Variants in MAK observed in about 807,000 individuals in gnomAD.
The protein encoded by MAK is serine/threonine-protein kinase MAK.
MAK carries 65 observed loss-of-function variants against 82.6 expected under a neutral mutation model. The observed-to-expected ratio is 0.79, with a 90% confidence interval of 0.64 to 0.97. The LOEUF (loss-of-function observed/expected upper bound fraction) is 0.97, where lower values mean the gene tolerates loss of function less well. Ranked by LOEUF, MAK falls within the 50% of genes least tolerant of loss-of-function variation. MAK has a pLI of 0.00. For missense variants in MAK, 703 were observed against 780.2 expected (o/e 0.90, Z 1.18); for synonymous variants, 250 against 274.2 (o/e 0.91, Z 0.87).
At chr6:10,826,949 T>C (rs1778416922) in intron 2 of MAK, among the ~76,000 whole-genome samples, 1 of 151,972 alleles carries the variant, frequency 6.6e-6, no homozygotes, top group Non-Finnish European at 1.5e-5. Context: ...CCGTCTCTAC[T>C]AAAAATGCAA....
At chr6:10,803,620 T>C (rs944187729) in intron 7 of MAK, 100 bp downstream of exon 7, 9 of 948,084 alleles carry the variant, frequency 9.5e-6, no homozygotes, top group Non-Finnish European at 1.3e-5. Flanking sequence ...ATCAGATATC[T>C]AGGCAAAAGT....
chr6:10,835,175 A>G (rs2127594019), intron 1 of MAK, among the ~76,000 whole-genome samples: 1 of 152,368 alleles, frequency 6.6e-6, no homozygotes, highest in East Asian at 1.9e-4. Flanking sequence ...TAAGCTCTTA[A>G]GAGAATTCAG....
At chr6:10,819,573 A>T (rs1777769257) in intron 2 of MAK, among the ~76,000 whole-genome samples, 1 of 152,078 alleles carries the variant, frequency 6.6e-6, no homozygotes. Flanking sequence ...CAGAGGTTGT[A>T]GTGAGCCAAG....
At chr6:10,807,577 G>A (rs1776590855) in intron 6 of MAK, among the ~76,000 whole-genome samples, 1 of 151,598 alleles carries the variant, frequency 6.6e-6, no homozygotes, top group Non-Finnish European at 1.5e-5. Flanking sequence ...CTGGTCTCAA[G>A]TGATCCCCCA....
chr6:10,803,210 T>C (rs1326108859), intron 7 of MAK, among the ~76,000 whole-genome samples: 1 of 152,176 alleles, frequency 6.6e-6, no homozygotes, highest in Non-Finnish European at 1.5e-5. Flanking sequence ...GGATTCTGGC[T>C]TCTTGCAATC....
At chr6:10,784,019 AAAAAAAAC>A (rs1490791096) in intron 11 of MAK, among the ~76,000 whole-genome samples, 2 of 151,918 alleles carry the variant, frequency 1.3e-5, no homozygotes, top group Admixed American at 6.6e-5. Flanking sequence ...AATCTGTCTC[AAAAAAAAC>A]AAAAAAACAA....
chr6:10,794,103 T>C (rs187731585), intron 9 of MAK, among the ~76,000 whole-genome samples: 1 of 152,300 alleles, frequency 6.6e-6, no homozygotes, highest in East Asian at 1.9e-4. Context: ...AGGGCTATTT[T>C]CAAATATCTA....
chr6:10,807,965 G>C (rs1258886468), intron 6 of MAK, among the ~76,000 whole-genome samples: 6 of 151,988 alleles, frequency 3.9e-5, no homozygotes, highest in Non-Finnish European at 8.8e-5. Context: ...CTACTCGGGA[G>C]GCTGAGGCAG....
At chr6:10,791,573 G>A in intron 10 of MAK, 102 bp downstream of exon 10, 1 of 1,149,776 alleles carries the variant, frequency 8.7e-7, no homozygotes, top group South Asian at 1.3e-5. Context: ...GGCCTGTTAA[G>A]CAAACTTTTC....
chr6:10,780,342 G>A, intron 11 of MAK: 1 of 569,820 alleles, frequency 1.8e-6, no homozygotes, highest in East Asian at 1.5e-4. Context: ...GGGTGCTTTG[G>A]CTCAAAGGAT....
At chr6:10,833,327 G>A (rs1778944062) in intron 1 of MAK, among the ~76,000 whole-genome samples, 1 of 152,130 alleles carries the variant, frequency 6.6e-6, no homozygotes, top group Non-Finnish European at 1.5e-5. Flanking sequence ...AGTGTGGGCT[G>A]GGCGCCCTGG....
intron 8 of MAK, among the ~76,000 whole-genome samples, chr6:10,801,582 T>G (rs543450765): frequency 1.6e-4 from 25 of 152,316 alleles, no homozygotes; most frequent in African/African-American, 5.5e-4. Context: ...CCATGACAGA[T>G]TCCTTCATAA....
chr6:10,791,390 C>T (rs1159940738), intron 10 of MAK, among the ~76,000 whole-genome samples: 1 of 152,086 alleles, frequency 6.6e-6, no homozygotes, highest in Non-Finnish European at 1.5e-5. Context: ...TCTCAGCTTC[C>T]CGAGTAGCTG....
At chr6:10,781,510 G>A (rs1773965622) in intron 11 of MAK, among the ~76,000 whole-genome samples, 2 of 146,054 alleles carry the variant, frequency 1.4e-5, no homozygotes, top group African/African-American at 5.1e-5. Flanking sequence ...TGCAACCTCT[G>A]CCTCCTGGGT....
chr6:10,833,250 T>G (rs933945614), intron 1 of MAK, among the ~76,000 whole-genome samples: 5 of 152,230 alleles, frequency 3.3e-5, no homozygotes, highest in Non-Finnish European at 7.3e-5. Flanking sequence ...TGTTGTTTCC[T>G]ATTTACAGGA....
chr6:10,801,603 G>T (rs893064694), intron 8 of MAK, among the ~76,000 whole-genome samples: 2 of 152,184 alleles, frequency 1.3e-5, no homozygotes, highest in African/African-American at 4.8e-5. Context: ...CTAGTCTGTC[G>T]CAGGTCTGAA....
At position 10,813,642 on chromosome 6, in the gene MAK, A is replaced by G. The variant is rs1446287566; in HGVS notation, c.358+2T>C. On this transcript the variant is annotated splice_donor_variant, in intron 5 of 14. Coordinates refer to ENST00000354489, the MANE Select transcript of MAK (RefSeq NM_001242957.3). LOFTEE classifies it high-confidence loss of function. ...GGGAAATTAAACTTAAAAGAAACCT[A>G]CCATGTTTATGGATAAAAGCCAGCC... 2 of 1,551,524 alleles carry G rather than the reference A, an allele frequency of 1.3e-6. No individual in the cohort carries two copies. Among genetic ancestry groups the G allele is most frequent in the East Asian group, 2.2e-5 (1 of 44,546 alleles).
intron 14 of MAK, among the ~76,000 whole-genome samples, chr6:10,765,022 G>C (rs1425376979): frequency 6.6e-6 from 1 of 151,802 alleles, no homozygotes; most frequent in African/African-American, 2.4e-5. Context: ...CTTGAACCCG[G>C]GAGGCAGTGG....
At chr6:10,788,460 G>A (rs1055182840) in intron 10 of MAK, among the ~76,000 whole-genome samples, 5 of 152,160 alleles carry the variant, frequency 3.3e-5, no homozygotes, top group Admixed American at 6.5e-5. Flanking sequence ...CGCCAGGTGC[G>A]GTGGCTCATG....
Sources: gnomAD v4.1 joint callset for allele counts (sites outside exome capture counted in the v4.1 genomes callset) on GRCh38, gnomAD v4.1.1 for gene constraint, MANE v1.5 for transcripts, NCBI Gene and HGNC (gene_info 2026-07-23, HGNC 2026-07-21) for gene names.